LRP2: variants seen among roughly 807,000 people sequenced by gnomAD.
LRP2 encodes the protein LDL receptor related protein 2.
Under a neutral mutation model 531.0 loss-of-function variants are expected in LRP2, and 172 were observed. That is an observed-to-expected ratio of 0.32 (90% CI 0.29 to 0.37). LRP2 has a LOEUF of 0.37. Among genes scored for constraint, LRP2 ranks in the 10% least tolerant of loss-of-function variants. The pLI is 1.00. For missense variants in LRP2, 5,167 were observed against 5,868.3 expected (o/e 0.88, Z 3.90); for synonymous variants, 1,992 against 2,027.6 (o/e 0.98, Z 0.47).
chr2:169,142,615 C>T, intron 71 of LRP2, 59 bp downstream of exon 71: 3 of 1,608,686 alleles, frequency 1.9e-6, no homozygotes, highest in Non-Finnish European at 2.5e-6. Flanking sequence ...TCTTCTGACT[C>T]CTGAAGGCAG....
intron 13 of LRP2, 101 bp downstream of exon 13, chr2:169,277,644 A>G: frequency 9.4e-7 from 1 of 1,063,086 alleles, no homozygotes; most frequent in Middle Eastern, 2.1e-4. Flanking sequence ...TCCACCAACA[A>G]AGCAATATTT....
At chr2:169,335,734 C>G (rs549256345) in intron 1 of LRP2, among the ~76,000 whole-genome samples, 3 of 152,084 alleles carry the variant, frequency 2.0e-5, no homozygotes, top group Non-Finnish European at 4.4e-5. Context: ...GCATGAAAGG[C>G]CAGGTGTGGT....
chr2:169,305,724 G>A (rs563050840), intron 4 of LRP2, among the ~76,000 whole-genome samples: 2 of 152,290 alleles, frequency 1.3e-5, no homozygotes, highest in East Asian at 1.9e-4. Flanking sequence ...GTCAGGAACC[G>A]CATATGGCTC....
chr2:169,302,433 T>C (rs1350845383), intron 4 of LRP2, among the ~76,000 whole-genome samples: 4 of 151,968 alleles, frequency 2.6e-5, no homozygotes, highest in Non-Finnish European at 5.9e-5. Context: ...CCTAAATCAG[T>C]GGTTCTCAAC....
intron 1 of LRP2, among the ~76,000 whole-genome samples, chr2:169,327,367 T>G (rs1312897632): frequency 8.3e-6 from 1 of 119,808 alleles, no homozygotes; most frequent in East Asian, 2.8e-4. Context: ...GGGGCGCCTC[T>G]GCCCAGCCGC....
At chr2:169,173,430 C>T (rs1054963155) in intron 56 of LRP2, among the ~76,000 whole-genome samples, 1 of 152,188 alleles carries the variant, frequency 6.6e-6, no homozygotes, top group Non-Finnish European at 1.5e-5. Context: ...CAGCACCACT[C>T]ATTTGTTTTA....
intron 3 of LRP2, among the ~76,000 whole-genome samples, chr2:169,314,618 T>C (rs2544376): frequency 0.33 from 50,691 of 152,092 alleles, 9,046 homozygotes; most frequent in African/African-American, 0.47. Flanking sequence ...ATTAGCAAAA[T>C]GGTGTCTTAT....
At position 169,172,976 on chromosome 2, in the gene LRP2, TAC is replaced by T. The variant is rs375187793; in HGVS notation, c.11143+118_11143+119del. ...TTATTAGAAGAATCAACCATTTTTT[TAC>T]AGAGGTAAACAAAGAAAAGATGACA... On this transcript the variant is annotated intron_variant, in intron 57 of 78. Coordinates refer to ENST00000649046, the MANE Select transcript of LRP2 (RefSeq NM_004525.3). 3.1e-4 allele frequency: 424 copies of T among 1,365,214 alleles called. 2 individuals are homozygous for T. Among genetic ancestry groups the T allele is most frequent in the Middle Eastern group, 2.5e-3 (10 of 4,036 alleles). The allele number at this position is 1,365,214 out of a possible 1,614,324, so 84.6% of individuals were successfully genotyped here.
At chr2:169,166,497 G>A (rs886496608) in intron 61 of LRP2, among the ~76,000 whole-genome samples, 9 of 152,208 alleles carry the variant, frequency 5.9e-5, no homozygotes, top group Non-Finnish European at 1.3e-4. Flanking sequence ...TGGTGGCTGT[G>A]AGGCTGGACA....
At chr2:169,143,477 C>T (rs2105344024) in intron 70 of LRP2, among the ~76,000 whole-genome samples, 1 of 151,372 alleles carries the variant, frequency 6.6e-6, no homozygotes, top group African/African-American at 2.4e-5. Context: ...CTCGTCTCTA[C>T]TAAAAATACA....
chr2:169,266,744 T>C (rs920823577), intron 16 of LRP2, among the ~76,000 whole-genome samples: 1 of 152,190 alleles, frequency 6.6e-6, no homozygotes, highest in South Asian at 2.1e-4. Context: ...CCTGAAGAGA[T>C]GTCTTCCCCT....
chr2:169,229,041 CA>C (rs1689305101), intron 31 of LRP2, among the ~76,000 whole-genome samples: 1 of 152,156 alleles, frequency 6.6e-6, no homozygotes, highest in African/African-American at 2.4e-5. Context: ...GTGCCACAGG[CA>C]ATAAGCATAC....
chr2:169,293,693 A>G (rs1036741221), intron 6 of LRP2, among the ~76,000 whole-genome samples: 1 of 152,168 alleles, frequency 6.6e-6, no homozygotes, highest in Non-Finnish European at 1.5e-5. Flanking sequence ...GAAAACGAAG[A>G]AAAAGAAACT....
At chr2:169,184,069 C>T (rs1463941975) in intron 50 of LRP2, among the ~76,000 whole-genome samples, 4 of 152,088 alleles carry the variant, frequency 2.6e-5, no homozygotes, top group Admixed American at 6.5e-5. Context: ...AAGAACACAC[C>T]GAGATAGAGA....
rs79052831 is a variant in LRP2 at position 169,128,119 on chromosome 2, A to G, written c.*544T>C. On this transcript the variant is annotated 3_prime_UTR_variant, in exon 79 of 79. Transcript: ENST00000649046. ...AGTCTACAGTCAAGTCCAGATGTCT[A>G]TACAACACATAGTGGCCCCTATCAA... The G allele has an allele frequency of 0.05, 8,073 of 160,814 alleles. 212 individuals are homozygous for G. The highest frequency in any genetic ancestry group is 0.061 in the South Asian group (343 of 5,600). 10.0% of individuals were successfully genotyped at this position (160,814 alleles called of 1,614,324 possible).
intron 3 of LRP2, among the ~76,000 whole-genome samples, chr2:169,313,843 C>T (rs1040689072): frequency 3.3e-5 from 5 of 152,150 alleles, no homozygotes; most frequent in African/African-American, 9.7e-5. Flanking sequence ...TCTCCCAAAG[C>T]GCTAGGATTT....
rs570636878 is a variant in LRP2 at position 169,360,774 on chromosome 2, CT to C, written c.79+1546del. 3.7e-4 allele frequency among the ~76,000 whole-genome samples: 56 copies of C among 152,306 alleles called. 1 individual carries two copies. Among genetic ancestry groups the C allele is most frequent in the African/African-American group, 1.3e-3 (55 of 41,558 alleles). On this transcript the variant is annotated intron_variant, in intron 1 of 78. Transcript: ENST00000649046. ...CTTGCCTCTCCTGCCTTTCTGAAGACTTTTGCAAGACCTGTGGGGTTTGTTA... is the reference window on the plus strand; with the variant it reads ...CTTGCCTCTCCTGCCTTTCTGAAGACTTTGCAAGACCTGTGGGGTTTGTTA...
Position 169,248,659 on chromosome 2 carries a change from C to T in LRP2, c.2771-1144G>A, listed in dbSNP as rs1023389091. On this transcript the variant is annotated intron_variant, in intron 19 of 78. Transcript: ENST00000649046. ...CAAGATGGCCGAATAGGAACAGCTC[C>T]GGTCTACAGCTCCCAGCGTGAGCGA... Among the ~76,000 whole-genome samples the T allele has an allele frequency of 1.2e-4, 15 of 123,938 alleles. 1 individual carries two copies. Among genetic ancestry groups the T allele is most frequent in the African/African-American group, 3.1e-4 (9 of 29,096 alleles). The allele number at this position is 123,938 out of a possible 152,430, so 81.3% of individuals were successfully genotyped here.
intron 71 of LRP2, 57 bp from the exon 72 acceptor site, chr2:169,140,602 C>T (rs1685686864): frequency 7.2e-7 from 1 of 1,383,742 alleles, no homozygotes; most frequent in Admixed American, 1.7e-5. Context: ...AGAGTGCCCA[C>T]ACCATGCAAA....
Sources: allele counts gnomAD v4.1 joint callset (sites outside exome capture counted in the v4.1 genomes callset), GRCh38; gene constraint gnomAD v4.1.1; transcripts MANE v1.5; gene names NCBI Gene and HGNC (gene_info 2026-07-23, HGNC 2026-07-21).